RALGAPA2: variants seen among roughly 807,000 people sequenced by gnomAD.
RALGAPA2 encodes ral GTPase-activating protein subunit alpha-2.
Under a neutral mutation model 230.4 loss-of-function variants are expected in RALGAPA2, and 139 were observed. The observed-to-expected ratio is 0.60, with a 90% CI of 0.53 to 0.69. The LOEUF (loss-of-function observed/expected upper bound fraction) is 0.69, where lower values mean the gene tolerates loss of function less well. RALGAPA2 is among the 30% of genes least tolerant of loss of function. RALGAPA2 has a pLI of 0.00. For synonymous variants in RALGAPA2, 847 were observed against 837.8 expected (o/e 1.01, Z -0.19); for missense variants, 2,163 against 2,276.0 (o/e 0.95, Z 1.01).
intron 9 of RALGAPA2, among the ~76,000 whole-genome samples, chr20:20,631,168 A>G (rs2066661564): frequency 6.6e-6 from 1 of 152,152 alleles, no homozygotes; most frequent in Non-Finnish European, 1.5e-5. Context: ...GGCATATGAG[A>G]AGTTCAACTA....
At chr20:20,653,129 G>C (rs2067463521) in intron 4 of RALGAPA2, among the ~76,000 whole-genome samples, 1 of 146,024 alleles carries the variant, frequency 6.8e-6, no homozygotes, top group Non-Finnish European at 1.5e-5. Flanking sequence ...TCGGGAGGCG[G>C]AGGTTGCAAT....
intron 37 of RALGAPA2, among the ~76,000 whole-genome samples, chr20:20,427,024 C>G (rs945491610): frequency 6.6e-6 from 1 of 152,208 alleles, no homozygotes; most frequent in Non-Finnish European, 1.5e-5. Context: ...CCACCTCTCT[C>G]AGATGCTACC....
intron 37 of RALGAPA2, among the ~76,000 whole-genome samples, chr20:20,423,519 C>G (rs2060321118): frequency 6.6e-6 from 1 of 152,198 alleles, no homozygotes; most frequent in Non-Finnish European, 1.5e-5. Context: ...AGCTCCCATG[C>G]ACTTCCCTGG....
intron 36 of RALGAPA2, among the ~76,000 whole-genome samples, chr20:20,491,551 G>A (rs1208662020): frequency 6.6e-6 from 1 of 152,196 alleles, no homozygotes; most frequent in East Asian, 1.9e-4. Flanking sequence ...GAAAGAGAGG[G>A]AAAGCAGCAC....
rs115930815 is a variant in RALGAPA2, at chr20:20,443,733, C to T, written c.5495+29096G>A. ...CATGTGACTCCTCTGGGCCTGTTTC[C>T]GCATGGCTAAATGATGAACACAGTG... On this transcript the variant is annotated intron_variant, in intron 37 of 39. Transcript: ENST00000202677. Among the ~76,000 whole-genome samples, 1,220 of 152,350 alleles carry T rather than the reference C, an allele frequency of 8.0e-3. 15 individuals carry two copies. The highest frequency in any genetic ancestry group is 0.027 in the African/African-American group (1,135 of 41,578).
At chr20:20,395,368 T>C (rs1355165580) in intron 39 of RALGAPA2, among the ~76,000 whole-genome samples, 2 of 152,228 alleles carry the variant, frequency 1.3e-5, no homozygotes, top group Non-Finnish European at 1.5e-5. Flanking sequence ...CTTCCTGATA[T>C]GACACGTCCA....
intron 36 of RALGAPA2, among the ~76,000 whole-genome samples, chr20:20,493,285 T>C (rs567878412): frequency 6.6e-6 from 1 of 152,372 alleles, no homozygotes; most frequent in East Asian, 1.9e-4. Flanking sequence ...ATTGTAATGG[T>C]TTGTACTTTA....
At chr20:20,457,977 G>T (rs189467690) in intron 37 of RALGAPA2, among the ~76,000 whole-genome samples, 1 of 152,208 alleles carries the variant, frequency 6.6e-6, no homozygotes, top group African/African-American at 2.4e-5. Flanking sequence ...TGCTGAGGGA[G>T]GCAGGGCCCC....
chr20:20,525,879 T>C (rs2063186617), intron 28 of RALGAPA2, among the ~76,000 whole-genome samples: 1 of 152,222 alleles, frequency 6.6e-6, no homozygotes, highest in Admixed American at 6.5e-5. Flanking sequence ...GAGAGACTTC[T>C]GTTTTACACA....
chr20:20,683,296 T>G (rs530930557), intron 1 of RALGAPA2, among the ~76,000 whole-genome samples: 1 of 152,164 alleles, frequency 6.6e-6, no homozygotes, highest in African/African-American at 2.4e-5. Context: ...TCTTCTTCCA[T>G]TCCCCATAGC....
intron 3 of RALGAPA2, among the ~76,000 whole-genome samples, chr20:20,675,390 T>C (rs2068282347): frequency 1.3e-5 from 2 of 152,126 alleles, no homozygotes; most frequent in Admixed American, 1.3e-4. Flanking sequence ...TCTCCTACTG[T>C]AGGAGATCTT....
chr20:20,568,735 A>T (rs1051506073), intron 23 of RALGAPA2, among the ~76,000 whole-genome samples: 13 of 152,258 alleles, frequency 8.5e-5, no homozygotes, highest in African/African-American at 3.1e-4. Flanking sequence ...AGCCATACAA[A>T]GCATAATGTT....
At chr20:20,435,243 T>C (rs987954043) in intron 37 of RALGAPA2, among the ~76,000 whole-genome samples, 2 of 152,182 alleles carry the variant, frequency 1.3e-5, no homozygotes, top group African/African-American at 4.8e-5. Flanking sequence ...AAAATGGTCA[T>C]GGGAGGCATG....
chr20:20,398,440 GGTTGA>G lies in RALGAPA2; in HGVS notation c.5618-1711_5618-1707del, dbSNP rs1363281773. Among the ~76,000 whole-genome samples, 1 of 152,202 alleles carries G rather than the reference GGTTGA, an allele frequency of 6.6e-6. No homozygotes were observed. The highest frequency in any genetic ancestry group is 1.5e-5 in the Non-Finnish European group (1 of 68,030). ...AATGTCTCAGTAACTGCCAATCCAT[GGTTGA>G]GTTAAGGAGATGCAAAGACAGAGAC... On this transcript the variant is annotated intron_variant, in intron 38 of 39. Transcript: ENST00000202677. This position sits in a 1 kb window ranked among gnomAD's most constrained non-coding sequence, Gnocchi z 4.5.
chr20:20,572,409 C>T (rs1356680523), intron 21 of RALGAPA2, among the ~76,000 whole-genome samples: 1 of 150,086 alleles, frequency 6.7e-6, no homozygotes, highest in Non-Finnish European at 1.5e-5. Flanking sequence ...CGCCACTGCA[C>T]TCCAGCCTGG....
chr20:20,581,733 T>C (rs1227777475), intron 20 of RALGAPA2, among the ~76,000 whole-genome samples: 1 of 152,134 alleles, frequency 6.6e-6, no homozygotes, highest in Non-Finnish European at 1.5e-5. Context: ...CATATGTTAA[T>C]TTTATGAAGT....
intron 37 of RALGAPA2, among the ~76,000 whole-genome samples, chr20:20,419,291 G>A (rs2060228566): frequency 6.6e-6 from 1 of 152,048 alleles, no homozygotes; most frequent in South Asian, 2.1e-4. Flanking sequence ...AATAAAAATG[G>A]GCAATTTGGC....
At chr20:20,481,094 C>T (rs1429959339) in intron 36 of RALGAPA2, among the ~76,000 whole-genome samples, 1 of 152,158 alleles carries the variant, frequency 6.6e-6, no homozygotes, top group Admixed American at 6.6e-5. Flanking sequence ...ACTTCATATC[C>T]AGGGACTCTT....
At chr20:20,493,714 GT>G (rs1406337882) in intron 36 of RALGAPA2, among the ~76,000 whole-genome samples, 1 of 152,070 alleles carries the variant, frequency 6.6e-6, no homozygotes, top group African/African-American at 2.4e-5. Flanking sequence ...AAATTCACTG[GT>G]TCTCTTATAT....
Sources: allele counts gnomAD v4.1 joint callset (sites outside exome capture counted in the v4.1 genomes callset), GRCh38; gene constraint gnomAD v4.1.1; non-coding constraint Gnocchi (gnomAD v3.1); transcripts MANE v1.5; gene names NCBI Gene and HGNC (gene_info 2026-07-23, HGNC 2026-07-21).